The following PPFIA2 variants were observed in gnomAD, a reference collection of about 807,000 sequenced individuals.
PPFIA2 encodes the protein liprin-alpha-2.
In PPFIA2, 46 loss-of-function variants were observed where a neutral mutation model predicts 175.5. That is an observed-to-expected ratio of 0.26 (90% CI 0.21 to 0.34). PPFIA2 has a LOEUF of 0.34. Among genes scored for constraint, PPFIA2 ranks in the 10% least tolerant of loss-of-function variants. PPFIA2 has a pLI of 1.00. For missense variants in PPFIA2, 1,179 were observed against 1,506.1 expected (o/e 0.78, Z 3.60); for synonymous variants, 568 against 511.4 (o/e 1.11, Z -1.49).
chr12:81,312,083 A>G, intron 22 of PPFIA2: 1 of 1,408,876 alleles, frequency 7.1e-7, no homozygotes, highest in South Asian at 1.2e-5. Context: ...AACTCAAAAG[A>G]GTAATACTCT....
Position 81,357,472 on chromosome 12 carries a change from T to C in PPFIA2, c.1773+610A>G, listed in dbSNP as rs200965869. 3.3e-5 allele frequency among the ~76,000 whole-genome samples: 5 copies of C among 152,190 alleles called. No homozygotes were observed. The East Asian group carries it at 9.6e-4, about 29-fold the overall frequency. ...ACTTCTCTGTAAAATACAACTACAT[T>C]ATTCAACAAACAGCTTGCAAATTTT... On this transcript the variant is annotated intron_variant, in intron 16 of 32. Coordinates refer to ENST00000549396, the MANE Select transcript of PPFIA2 (RefSeq NM_003625.5).
intron 3 of PPFIA2, among the ~76,000 whole-genome samples, chr12:81,698,946 C>T (rs1355172488): frequency 2.0e-5 from 3 of 151,960 alleles, no homozygotes; most frequent in Admixed American, 6.6e-5. Context: ...TTATTATAAG[C>T]GTTGGTAGAG....
chr12:81,487,800 T>C (rs560704513), intron 4 of PPFIA2, among the ~76,000 whole-genome samples: 1 of 151,920 alleles, frequency 6.6e-6, no homozygotes, highest in South Asian at 2.1e-4. Context: ...CATTGTGATA[T>C]CTGAAAAAGC....
At chr12:81,590,427 C>T (rs968981764) in intron 4 of PPFIA2, among the ~76,000 whole-genome samples, 10 of 152,070 alleles carry the variant, frequency 6.6e-5, no homozygotes, top group East Asian at 1.9e-4. Context: ...AGATATGATG[C>T]TATCCATATA....
At chr12:81,306,460 G>A (rs2049186730) in intron 22 of PPFIA2, among the ~76,000 whole-genome samples, 1 of 150,798 alleles carries the variant, frequency 6.6e-6, no homozygotes, top group Non-Finnish European at 1.5e-5. Context: ...GATTACAAAA[G>A]TAACTCACAC....
At chr12:81,515,605 G>C (rs1212385546) in intron 4 of PPFIA2, among the ~76,000 whole-genome samples, 1 of 152,022 alleles carries the variant, frequency 6.6e-6, no homozygotes, top group Non-Finnish European at 1.5e-5. Flanking sequence ...CATCAGCTTA[G>C]ATGCTTATAC....
At chr12:81,373,003 T>A (rs1264274412) in intron 11 of PPFIA2, among the ~76,000 whole-genome samples, 2 of 151,810 alleles carry the variant, frequency 1.3e-5, no homozygotes, top group African/African-American at 4.8e-5. Context: ...AGGCACCTAA[T>A]TCCAGTTATT....
In PPFIA2 at chr12:81,601,270, T is replaced by C. The variant is rs756882222; in HGVS notation, c.303+75521A>G. On this transcript the variant is annotated intron_variant, in intron 4 of 32. Coordinates refer to ENST00000549396, the MANE Select transcript of PPFIA2 (RefSeq NM_003625.5). The stretch of plus-strand genomic sequence containing the variant: ...AATTTTTCCAGAACATTTTTTCCTA[T>C]GATTATTTTGATAATAATGTTATCT... Among the ~76,000 whole-genome samples, 3 of 151,980 alleles carry C rather than the reference T, an allele frequency of 2.0e-5. No homozygotes were observed. The South Asian group carries it at 6.2e-4, about 31-fold the overall frequency.
At chr12:81,561,160 T>C (rs2069983306) in intron 4 of PPFIA2, among the ~76,000 whole-genome samples, 1 of 152,156 alleles carries the variant, frequency 6.6e-6, no homozygotes, top group South Asian at 2.1e-4. Context: ...GTAGTTTACA[T>C]GAGAAGAAAG....
chr12:81,463,394 C>T (rs1269316616), intron 4 of PPFIA2, among the ~76,000 whole-genome samples: 2 of 152,032 alleles, frequency 1.3e-5, no homozygotes, highest in South Asian at 2.1e-4. Context: ...TTAGGTCAGT[C>T]GCCAACTACT....
Position 81,368,767 on chromosome 12 carries a change from T to C in PPFIA2, c.1440A>G (p.Leu480=). Residue 480 remains leucine (L), a synonymous_variant, in exon 13 of 33, where the codon CTA becomes CTG. Coordinates refer to ENST00000549396, the MANE Select transcript of PPFIA2 (RefSeq NM_003625.5). ...DRLLTESNER[L]QLHLKERMAA... is the part of the protein sequence containing the mutation. The stretch of plus-strand genomic sequence containing the variant: ...CCATTCTTTCCTTTAAGTGTAGTTG[T>C]AGGCGTTCATTGGATTCAGTCAGAA... The C allele has an allele frequency of 6.2e-7, 1 of 1,610,848 alleles. No individual in the cohort carries two copies. Among genetic ancestry groups the C allele is most frequent in the South Asian group, 1.1e-5 (1 of 90,960 alleles).
At position 81,325,866 on chromosome 12, in the gene PPFIA2, G is replaced by A; in HGVS notation, c.2553C>T (p.Gly851=). 6.2e-7 allele frequency: 1 copy of A among 1,609,494 alleles called. No individual in the cohort carries two copies. The highest frequency in any genetic ancestry group is 8.5e-7 in the Non-Finnish European group (1 of 1,176,310). ...KEKARLGQLR[G]FMETEAAAQE... Reference sequence around the variant, plus strand: ...GAGCTGCAGCTTCAGTCTCCATAAAGCCTCCTGTGAAGAGAAGTAACTAAG... The same window carrying A: ...GAGCTGCAGCTTCAGTCTCCATAAAACCTCCTGTGAAGAGAAGTAACTAAG... Residue 851 remains glycine (G), a synonymous_variant, in exon 22 of 33, where the codon GGC becomes GGT. Coordinates refer to ENST00000549396, the MANE Select transcript of PPFIA2 (RefSeq NM_003625.5).
chr12:81,371,463 T>G (rs1012452257), intron 11 of PPFIA2, among the ~76,000 whole-genome samples: 1 of 151,718 alleles, frequency 6.6e-6, no homozygotes, highest in African/African-American at 2.4e-5. Flanking sequence ...GAGACATGAA[T>G]ATTTCAGCTG....
chr12:81,500,927 A>T (rs2060531308), intron 4 of PPFIA2, among the ~76,000 whole-genome samples: 1 of 152,172 alleles, frequency 6.6e-6, no homozygotes, highest in Non-Finnish European at 1.5e-5. Flanking sequence ...ACTCAGATAA[A>T]GCTGCTTCAG....
chr12:81,512,421 A>G (rs1259442613), intron 4 of PPFIA2: 1 of 1,140,236 alleles, frequency 8.8e-7, no homozygotes, highest in African/African-American at 1.6e-5. Context: ...CCAGCCTAAA[A>G]TGGAATTTTT....
chr12:81,601,480 G>T (rs1256904328), intron 4 of PPFIA2, among the ~76,000 whole-genome samples: 1 of 151,942 alleles, frequency 6.6e-6, no homozygotes, highest in African/African-American at 2.4e-5. Flanking sequence ...AGCCATGAGA[G>T]TTGGAGTTGC....
chr12:81,390,585 G>T (rs991267470), intron 8 of PPFIA2, among the ~76,000 whole-genome samples: 6 of 151,834 alleles, frequency 4.0e-5, no homozygotes, highest in Admixed American at 2.0e-4. Flanking sequence ...TTGGAGAAAT[G>T]TCTATTTAAA....
At chr12:81,532,548 G>T (rs2064742898) in intron 4 of PPFIA2, among the ~76,000 whole-genome samples, 1 of 151,696 alleles carries the variant, frequency 6.6e-6, no homozygotes, top group South Asian at 2.1e-4. Context: ...GGTAGAAAAT[G>T]CAAAGAACCA....
At chr12:81,667,459 CT>C (rs1200661707) in intron 4 of PPFIA2, among the ~76,000 whole-genome samples, 1 of 152,072 alleles carries the variant, frequency 6.6e-6, no homozygotes, top group Non-Finnish European at 1.5e-5. Context: ...ACCATCTCTA[CT>C]TTGGTGCTCA....
Sources: gnomAD v4.1 joint callset for allele counts (sites outside exome capture counted in the v4.1 genomes callset) on GRCh38, gnomAD v4.1.1 for gene constraint, MANE v1.5 for transcripts, NCBI Gene and HGNC (gene_info 2026-07-23, HGNC 2026-07-21) for gene names.